Variants in IRF4 observed in about 807,000 individuals in gnomAD.
The protein encoded by IRF4 is interferon regulatory factor 4.
In IRF4, 13 loss-of-function variants were observed where a neutral mutation model predicts 55.5. The ratio of observed to expected loss-of-function variants is 0.23; its 90% CI spans 0.15 to 0.37. IRF4 has a LOEUF of 0.37. Among genes scored for constraint, IRF4 ranks in the 10% least tolerant of loss-of-function variants. The pLI, the probability that IRF4 is intolerant of heterozygous loss-of-function variation, is 1.00. For missense variants in IRF4, 397 were observed against 593.8 expected (o/e 0.67, Z 3.44); for synonymous variants, 249 against 240.7 (o/e 1.03, Z -0.32).
intron 2 of IRF4, among the ~76,000 whole-genome samples, chr6:394,277 C>T (rs1406273527): frequency 6.6e-6 from 1 of 152,174 alleles, no homozygotes; most frequent in African/African-American, 2.4e-5. Flanking sequence ...AAGGAACCTC[C>T]GCATCTCACT....
At chr6:396,103 G>C (rs900495000) in intron 4 of IRF4, 168 bp downstream of exon 4, 1 of 596,692 alleles carries the variant, frequency 1.7e-6, no homozygotes, top group East Asian at 2.8e-5. Context: ...CTTTCCACAC[G>C]GTGCTGCCAT....
chr6:398,730 C>A, intron 5 of IRF4, 98 bp from the exon 6 acceptor site: 1 of 774,046 alleles, frequency 1.3e-6, no homozygotes, highest in Non-Finnish European at 2.1e-6. Context: ...TGGGCGCCAG[C>A]CCCTTCCTTC....
intron 1 of IRF4, among the ~76,000 whole-genome samples, chr6:392,226 T>C (rs1193838377): frequency 6.6e-6 from 1 of 152,234 alleles, no homozygotes; most frequent in Non-Finnish European, 1.5e-5. Context: ...TGCTCTTCGT[T>C]CCTAAGGGGC....
In IRF4 at chr6:410,006, T is replaced by C. The variant is rs1030701126; in HGVS notation, c.*2408T>C. The C allele has an allele frequency of 4.4e-6, 1 of 228,384 alleles. No homozygotes were observed. Among genetic ancestry groups the C allele is most frequent in the African/African-American group, 2.2e-5 (1 of 45,110 alleles). The allele number at this position is 228,384 out of a possible 1,614,324, so 14.1% of individuals were successfully genotyped here. On this transcript the variant is annotated 3_prime_UTR_variant, in exon 9 of 9. Transcript: ENST00000380956. Reference sequence around the variant, plus strand: ...CTATGTGTATGTTGACTTTTTAAAATTCTGAGTGATCCAGGGTATGACCTA... The same window carrying C: ...CTATGTGTATGTTGACTTTTTAAAACTCTGAGTGATCCAGGGTATGACCTA...
chr6:397,573 A>G (rs2127438303), intron 5 of IRF4: 1 of 275,302 alleles, frequency 3.6e-6, no homozygotes, highest in Middle Eastern at 1.0e-3. Context: ...AATAATAAGT[A>G]GGGATGCTGG....
At position 393,437 on chromosome 6, in the gene IRF4, C is replaced by A; in HGVS notation, c.216+69C>A. 3 of 1,127,796 alleles carry A rather than the reference C, an allele frequency of 2.7e-6. No homozygotes were observed. The highest frequency in any genetic ancestry group is 3.5e-6 in the Non-Finnish European group (3 of 850,016). 69.9% of individuals were successfully genotyped at this position (1,127,796 alleles called of 1,614,324 possible). A position where few individuals can be genotyped will look rare whatever the true frequency, so the allele number is the denominator to read the frequency against. ...CAGAGACAGAGCCCGGGGTCCCCGG[C>A]GCCGCCTCCGAGGCGAGCCCAGGGG... On this transcript the variant is annotated intron_variant, in intron 2 of 8. Coordinates refer to ENST00000380956, the MANE Select transcript of IRF4 (RefSeq NM_002460.4). The surrounding 1 kb of genome is among the most constrained non-coding windows in gnomAD (Gnocchi z 5.4).
intron 6 of IRF4, among the ~76,000 whole-genome samples, chr6:400,062 G>T (rs560956663): frequency 6.6e-6 from 1 of 152,160 alleles, no homozygotes; most frequent in South Asian, 2.1e-4. Flanking sequence ...GAATCACCTC[G>T]AATGGCCAAC....
intron 7 of IRF4, 53 bp downstream of exon 7, chr6:401,830 CAG>C (rs1761408666): frequency 1.9e-6 from 3 of 1,540,402 alleles, no homozygotes; most frequent in South Asian, 2.3e-5. Flanking sequence ...CTGCCTGCCA[CAG>C]GGGTCAGAAA....
At chr6:397,370 C>T (rs1045274488) in intron 5 of IRF4, 118 bp downstream of exon 5, 27 of 1,237,178 alleles carry the variant, frequency 2.2e-5, no homozygotes, top group Middle Eastern at 2.0e-4. Flanking sequence ...TTAGAGGCTG[C>T]GTGTGCAGCT....
At chr6:400,327 C>T (rs764621933) in intron 6 of IRF4, among the ~76,000 whole-genome samples, 1 of 152,176 alleles carries the variant, frequency 6.6e-6, no homozygotes, top group African/African-American at 2.4e-5. Flanking sequence ...CTGTGCCACT[C>T]CCCTGCGGTC....
chr6:397,019 A>G, intron 4 of IRF4, 89 bp from the exon 5 acceptor site: 1 of 1,434,218 alleles, frequency 7.0e-7, no homozygotes, highest in South Asian at 1.3e-5. Context: ...TCTCGATGCC[A>G]GTGCTTCCTA....
At position 395,942 on chromosome 6, in the gene IRF4, T is replaced by TG; in HGVS notation, c.492+9dup. 1 of 1,607,318 alleles carries TG rather than the reference T, an allele frequency of 6.2e-7. No homozygotes were observed. Reference sequence around the variant, plus strand: ...CCCTTCGCTCCCAGCCCAGGTATGGTGGAGGGCACTGGGCTCCCTGAGGGC... The same window carrying TG: ...CCCTTCGCTCCCAGCCCAGGTATGGTGGGAGGGCACTGGGCTCCCTGAGGGC... On this transcript the variant is annotated splice_region_variant and intron_variant, in intron 4 of 8. Transcript: ENST00000380956.
chr6:405,471 T>C (rs1761522097), intron 8 of IRF4, among the ~76,000 whole-genome samples: 1 of 152,202 alleles, frequency 6.6e-6, no homozygotes, highest in South Asian at 2.1e-4. Flanking sequence ...CCTTTAAAAT[T>C]CTCCAGGTTA....
chr6:397,286 C>G (rs1411054137), intron 5 of IRF4, 34 bp downstream of exon 5: 1 of 1,611,472 alleles, frequency 6.2e-7, no homozygotes, highest in African/African-American at 1.3e-5. Context: ...AATAGAAGAG[C>G]TAATTGCTAA....
chr6:396,193 G>A (rs759283520), intron 4 of IRF4: 1 of 485,816 alleles, frequency 2.1e-6, no homozygotes, highest in Non-Finnish European at 3.7e-6. Flanking sequence ...GGAAACAGAT[G>A]TTTTGTGGAA....
chr6:394,922 C>T lies in IRF4; in HGVS notation c.318C>T (p.Asp106=). 2.5e-6 allele frequency: 4 copies of T among 1,614,218 alleles called. No individual in the cohort carries two copies. The highest frequency in any genetic ancestry group is 3.4e-6 in the Non-Finnish European group (4 of 1,180,042). The change falls in exon 3 of 9, where the codon GAC becomes GAT. Residue 106 remains aspartate, a synonymous_variant. Coordinates refer to ENST00000380956, the MANE Select transcript of IRF4 (RefSeq NM_002460.4). ...GGTGCGCTTTGAACAAGAGCAATGA[C>T]TTTGAGGAACTGGTTGAGCGGAGCC... ...RLRCALNKSN[D]FEELVERSQL...
chr6:406,871 G>A, intron 8 of IRF4: 4 of 1,073,932 alleles, frequency 3.7e-6, no homozygotes, highest in Non-Finnish European at 4.5e-6. Context: ...TTCAGGAAAA[G>A]CTGAACATTA....
At chr6:404,825 A>G (rs1042298150) in intron 7 of IRF4, among the ~76,000 whole-genome samples, 193 bp from the exon 8 acceptor site, 4 of 152,234 alleles carry the variant, frequency 2.6e-5, no homozygotes, top group Non-Finnish European at 4.4e-5. Context: ...CCTGGGGGGA[A>G]AGCACCCAAA....
In IRF4 at chr6:401,638, C is replaced by T; in HGVS notation, c.960C>T (p.Ala320=). 1 of 1,614,172 alleles carries T rather than the reference C, an allele frequency of 6.2e-7. No individual in the cohort carries two copies. Residue 320 remains alanine (A), a synonymous_variant, in exon 7 of 9, where the codon GCC becomes GCT. Transcript: ENST00000380956. ...AGAGGGGCGTGGTCCTCTGGATGGCCCCCGACGGGCTCTATGCGAAAAGAC... is the reference window on the plus strand; with the variant it reads ...AGAGGGGCGTGGTCCTCTGGATGGCTCCCGACGGGCTCTATGCGAAAAGAC... The part of the protein sequence containing the change: ...HLERGVVLWM[A]PDGLYAKRLC...
Sources: allele counts gnomAD v4.1 joint callset (sites outside exome capture counted in the v4.1 genomes callset), GRCh38; gene constraint gnomAD v4.1.1; non-coding constraint Gnocchi (gnomAD v3.1); transcripts MANE v1.5; gene names NCBI Gene and HGNC (gene_info 2026-07-23, HGNC 2026-07-21).